Variants in MITD1 observed in about 807,000 individuals in gnomAD.
The protein encoded by MITD1 is microtubule interacting and trafficking domain containing 1.
A neutral mutation model predicts 34.9 loss-of-function variants in MITD1; 24 were observed. The observed-to-expected ratio is 0.69, with a 90% CI of 0.50 to 0.97. The LOEUF is 0.97. MITD1 is among the 50% of genes least tolerant of loss of function. The pLI is 0.00. For synonymous variants in MITD1, 102 were observed against 101.4 expected, an observed-to-expected ratio of 1.01 and a Z score of -0.04; for missense variants, 266 against 294.6, an observed-to-expected ratio of 0.90 and a Z score of 0.71.
At chr2:99,174,049 CA>C in intron 1 of MITD1, 33 bp from the exon 2 acceptor site, 1 of 1,083,146 alleles carries the variant, frequency 9.2e-7, no homozygotes, top group East Asian at 2.6e-5. Context: ...TATCAAGTAT[CA>C]AAATAGTTTT....
chr2:99,163,624 T>C (rs2093813141), intron 7 of MITD1, among the ~76,000 whole-genome samples: 1 of 152,122 alleles, frequency 6.6e-6, no homozygotes, highest in South Asian at 2.1e-4. Context: ...CACCATGCCC[T>C]GTCTGTTCAT....
chr2:99,169,655 A>C, intron 5 of MITD1, 45 bp from the exon 6 acceptor site: 1 of 1,474,234 alleles, frequency 6.8e-7, no homozygotes. Flanking sequence ...CATTTAAGTC[A>C]GACTATTAAT....
downstream of MITD1, among the ~76,000 whole-genome samples, chr2:99,167,779 A>AT (rs1471705207): frequency 6.6e-6 from 1 of 152,222 alleles, no homozygotes; most frequent in African/African-American, 2.4e-5. Flanking sequence ...CTGAATTTCC[A>AT]TATGATACAG....
rs763614449 is a variant in MITD1, at chr2:99,181,027, G to C, written c.-46C>G. 1.3e-6 allele frequency: 2 copies of C among 1,579,596 alleles called. No homozygotes were observed. Among genetic ancestry groups the C allele is most frequent in the Non-Finnish European group, 8.6e-7 (1 of 1,160,890 alleles). On this transcript the variant is annotated 5_prime_UTR_variant, in exon 1 of 7. Coordinates refer to ENST00000289359, the MANE Select transcript of MITD1 (RefSeq NM_138798.3). ...GCCTCAACCCAGGATGAAGTTGAGC[G>C]GGTCTGCTGCGCTTCCGGGAAGTGG...
intron 2 of MITD1, chr2:99,173,611 T>C (rs1276413470): frequency 4.3e-6 from 2 of 466,802 alleles, no homozygotes; most frequent in Admixed American, 2.8e-5. Context: ...ATAAGCTTCA[T>C]AGGGATTTGT....
chr2:99,165,019 TACACACACACAC>T (rs56958044), downstream of MITD1, among the ~76,000 whole-genome samples: 948 of 136,760 alleles, frequency 6.9e-3, 10 homozygotes, highest in African/African-American at 0.023. Context: ...CAAAATGGCA[TACACACACACAC>T]ACACACACAC....
chr2:99,166,506 TACAG>T (rs1282744757), downstream of MITD1, among the ~76,000 whole-genome samples: 4 of 113,646 alleles, frequency 3.5e-5, no homozygotes, highest in Admixed American at 1.8e-4. Flanking sequence ...AAAAAAAACA[TACAG>T]AGAACACTCT....
intron 3 of MITD1, 21 bp downstream of exon 3, chr2:99,171,489 T>C (rs944344035): frequency 5.0e-6 from 8 of 1,596,484 alleles, no homozygotes; most frequent in African/African-American, 2.7e-5. Flanking sequence ...TATTTCATTA[T>C]ATTTTAGTAT....
At chr2:99,174,985 C>T (rs2105224086) in intron 1 of MITD1, among the ~76,000 whole-genome samples, 1 of 152,306 alleles carries the variant, frequency 6.6e-6, no homozygotes, top group African/African-American at 2.4e-5. Flanking sequence ...CTCGGCCTCC[C>T]AAAGTGCTGG....
intron 1 of MITD1, among the ~76,000 whole-genome samples, chr2:99,178,900 A>G (rs1393278068): frequency 1.3e-5 from 2 of 152,196 alleles, no homozygotes; most frequent in Non-Finnish European, 2.9e-5. Flanking sequence ...CTTCAGATAC[A>G]TGCTCAACCA....
chr2:99,180,385 CATCAT>C (rs528346210), intron 1 of MITD1, among the ~76,000 whole-genome samples: 2 of 152,174 alleles, frequency 1.3e-5, no homozygotes, highest in Non-Finnish European at 2.9e-5. Flanking sequence ...TAACTAAAGA[CATCAT>C]AGCATCTCTT....
At chr2:99,176,623 G>A (rs2105227116) in intron 1 of MITD1, among the ~76,000 whole-genome samples, 1 of 152,194 alleles carries the variant, frequency 6.6e-6, no homozygotes. Flanking sequence ...CACCACACCT[G>A]GCCATTCGTA....
intron 1 of MITD1, among the ~76,000 whole-genome samples, chr2:99,180,438 A>G (rs776140456): frequency 3.3e-5 from 5 of 152,196 alleles, no homozygotes; most frequent in Non-Finnish European, 5.9e-5. Flanking sequence ...AAAATTAAGG[A>G]AAGTTTTGGA....
Position 99,174,022 on chromosome 2 carries a change from A to C in MITD1, c.152-6T>G, listed in dbSNP as rs773921392. The stretch of plus-strand genomic sequence containing the variant: ...CTTAGTATTATCTTTGGTACCTACA[A>C]ATTTAAAAATATATATTATCAAGTA... On this transcript the variant is annotated splice_region_variant and splice_polypyrimidine_tract_variant and intron_variant, in intron 1 of 6. Coordinates refer to ENST00000289359, the MANE Select transcript of MITD1 (RefSeq NM_138798.3). 3.9e-6 allele frequency: 5 copies of C among 1,289,922 alleles called. No individual in the cohort carries two copies. The highest frequency in any genetic ancestry group is 5.5e-6 in the Non-Finnish European group (5 of 910,938). The allele number at this position is 1,289,922 out of a possible 1,614,324, so 79.9% of individuals were successfully genotyped here. A position where few individuals can be genotyped will look rare whatever the true frequency, so the allele number is the denominator to read the frequency against.
downstream of MITD1, among the ~76,000 whole-genome samples, chr2:99,165,345 G>C (rs2093822910): frequency 2.0e-5 from 3 of 152,120 alleles, no homozygotes; most frequent in Admixed American, 2.0e-4. Context: ...GAGATTACAG[G>C]TGTGAGCCAC....
chr2:99,162,317 CA>C lies in MITD1; in HGVS notation c.*4-100del, dbSNP rs780042765. ...ATATCAATTTGACTTTCTTTACAAC[CA>C]AAAAAAAGTATGATAGAATGGAAAA... On this transcript the variant is annotated intron_variant, in intron 7 of 7. Transcript: ENST00000422537. 103 of 1,609,808 alleles carry C rather than the reference CA, an allele frequency of 6.4e-5. No individual in the cohort carries two copies. The highest frequency in any genetic ancestry group is 7.7e-5 in the Non-Finnish European group (91 of 1,178,432).
chr2:99,162,737 T>A (rs1440086223), intron 7 of MITD1: 1 of 1,614,112 alleles, frequency 6.2e-7, no homozygotes, highest in Admixed American at 1.7e-5. Context: ...CTGGAATAAA[T>A]AGCAAAGCCA....
rs199657883 is a variant in MITD1 at position 99,169,658 on chromosome 2, C to A, written c.594-48G>T. 178 of 1,462,428 alleles carry A rather than the reference C, an allele frequency of 1.2e-4. No individual in the cohort carries two copies. In the African/African-American group the frequency reaches 2.2e-3, roughly 18 times the overall value. 90.6% of individuals were successfully genotyped at this position (1,462,428 alleles called of 1,614,324 possible). Reference sequence around the variant, plus strand: ...TTATATTCAAGACATTTAAGTCAGACTATTAATAAAGCTGTAGTGTATTAA... The same window carrying A: ...TTATATTCAAGACATTTAAGTCAGAATATTAATAAAGCTGTAGTGTATTAA... On this transcript the variant is annotated intron_variant, in intron 5 of 6. Transcript: ENST00000289359.
chr2:99,175,503 G>T (rs565062608), intron 1 of MITD1, among the ~76,000 whole-genome samples: 94 of 152,336 alleles, frequency 6.2e-4, no homozygotes, highest in African/African-American at 2.2e-3. Context: ...GTGGGTACAT[G>T]ATGTTGATGT....
Sources: allele counts gnomAD v4.1 joint callset (sites outside exome capture counted in the v4.1 genomes callset), GRCh38; gene constraint gnomAD v4.1.1; transcripts MANE v1.5; gene names NCBI Gene and HGNC (gene_info 2026-07-23, HGNC 2026-07-21).